The following PRR16 variants were observed in gnomAD, a reference collection of about 807,000 sequenced individuals.
PRR16 encodes protein Largen.
A neutral mutation model predicts 18.2 loss-of-function variants in PRR16; 6 were observed. The ratio of observed to expected loss-of-function variants is 0.33; its 90% CI spans 0.18 to 0.65. PRR16 has a LOEUF of 0.65. Among genes scored for constraint, PRR16 ranks in the 30% least tolerant of loss-of-function variants. The pLI is 0.74. For missense variants in PRR16, 412 were observed against 376.6 expected (o/e 1.09, Z -0.78); for synonymous variants, 151 against 147.8 (o/e 1.02, Z -0.16).
Position 120,633,940 on chromosome 5 carries a change from A to C in PRR16, c.160-52014A>C, listed in dbSNP as rs561953617. On this transcript the variant is annotated intron_variant, in intron 1 of 1. Coordinates refer to ENST00000407149, the MANE Select transcript of PRR16 (RefSeq NM_001300783.2). ...TAAATTATACCCTACAACAAGTAGA[A>C]CTAACAAATATATACAGAACATTCT... Among the ~76,000 whole-genome samples the C allele has an allele frequency of 3.9e-5, 6 of 152,282 alleles. No individual in the cohort carries two copies. The East Asian group carries it at 1.2e-3, about 29-fold the overall frequency.
intron 1 of PRR16, among the ~76,000 whole-genome samples, chr5:120,491,955 G>C (rs1286844198): frequency 6.6e-6 from 1 of 152,080 alleles, no homozygotes; most frequent in Non-Finnish European, 1.5e-5. Context: ...AATTCATGAG[G>C]AGTGTTTGGT....
chr5:120,579,628 A>G (rs1753198982), intron 1 of PRR16, among the ~76,000 whole-genome samples: 1 of 152,038 alleles, frequency 6.6e-6, no homozygotes, highest in Non-Finnish European at 1.5e-5. Context: ...TTTTGGTATC[A>G]GGACCATGGT....
At chr5:120,658,575 T>C (rs1756065473) in intron 1 of PRR16, among the ~76,000 whole-genome samples, 3 of 151,958 alleles carry the variant, frequency 2.0e-5, no homozygotes, top group Non-Finnish European at 4.4e-5. Flanking sequence ...TTTCTGATCC[T>C]GTATTATTTC....
At chr5:120,755,029 A>G in the PRR16 span, among the ~76,000 whole-genome samples, 11 of 80,286 alleles carry the variant, frequency 1.4e-4, no homozygotes, top group African/African-American at 4.5e-4. Context: ...AGTTTTTTTC[A>G]CTTCTTTCTT....
chr5:120,609,755 C>A (rs1754275567), intron 1 of PRR16, among the ~76,000 whole-genome samples: 1 of 152,158 alleles, frequency 6.6e-6, no homozygotes, highest in Admixed American at 6.5e-5. Flanking sequence ...GTCATTTTTA[C>A]TGTCTGGAAA....
the PRR16 span, among the ~76,000 whole-genome samples, chr5:120,701,711 C>T: frequency 8.1e-3 from 1,224 of 152,026 alleles, 12 homozygotes; most frequent in African/African-American, 0.027. Context: ...GACTCAGCAA[C>T]GCTTGGGGTT....
chr5:120,775,895 A>G, the PRR16 span, among the ~76,000 whole-genome samples: 6 of 143,790 alleles, frequency 4.2e-5, no homozygotes. Context: ...TGATACACCC[A>G]CCTTGGTCTC....
chr5:120,689,001 T>C (rs1381501545), downstream of PRR16, among the ~76,000 whole-genome samples: 6 of 152,146 alleles, frequency 3.9e-5, no homozygotes, highest in Non-Finnish European at 8.8e-5. Context: ...ACTACACTTG[T>C]TTTTATTCAA....
At chr5:120,535,501 A>G (rs187150167) in intron 1 of PRR16, among the ~76,000 whole-genome samples, 115 of 152,294 alleles carry the variant, frequency 7.6e-4, no homozygotes, top group African/African-American at 2.6e-3. Context: ...CTTAACCAAG[A>G]GTAAGAAATT....
chr5:120,757,144 T>C, the PRR16 span, among the ~76,000 whole-genome samples: 39,622 of 151,856 alleles, frequency 0.26, 5,526 homozygotes, highest in Non-Finnish European at 0.31. Context: ...TGTGGCCTTA[T>C]TTTTGGGTTC....
chr5:120,555,928 A>G (rs1156958793), intron 1 of PRR16, among the ~76,000 whole-genome samples: 2 of 151,706 alleles, frequency 1.3e-5, no homozygotes, highest in Non-Finnish European at 2.9e-5. Flanking sequence ...TTCATCTTGA[A>G]AAATTGATTA....
chr5:120,488,440 G>T (rs1364263670), intron 1 of PRR16, among the ~76,000 whole-genome samples: 1 of 152,128 alleles, frequency 6.6e-6, no homozygotes, highest in South Asian at 2.1e-4. Flanking sequence ...TTGTGTAGAG[G>T]TGTTTATAGT....
At chr5:120,694,622 T>C in the PRR16 span, among the ~76,000 whole-genome samples, 145,798 of 150,356 alleles carry the variant, frequency 0.97, 70,798 homozygotes, top group East Asian at 1. Flanking sequence ...GGGGCGGAGC[T>C]TGCAGTGAGC....
intron 1 of PRR16, among the ~76,000 whole-genome samples, chr5:120,626,192 A>C (rs1253714527): frequency 6.6e-6 from 1 of 152,148 alleles, no homozygotes. Context: ...TAATATTCAA[A>C]AAATGAAAAC....
intron 1 of PRR16, among the ~76,000 whole-genome samples, chr5:120,511,807 G>A (rs1462843035): frequency 2.0e-5 from 3 of 152,112 alleles, no homozygotes; most frequent in African/African-American, 4.8e-5. Flanking sequence ...GTTTAGTGTC[G>A]AATAACAAGA....
At chr5:120,523,379 CATT>C (rs986011544) in intron 1 of PRR16, among the ~76,000 whole-genome samples, 1 of 152,094 alleles carries the variant, frequency 6.6e-6, no homozygotes, top group Non-Finnish European at 1.5e-5. Context: ...TTGACATCAT[CATT>C]ATTATTATTT....
chr5:120,738,904 T>A, the PRR16 span, among the ~76,000 whole-genome samples: 3 of 152,170 alleles, frequency 2.0e-5, no homozygotes, highest in Non-Finnish European at 4.4e-5. Context: ...GATCAAATAC[T>A]AATTTTGCAG....
At chr5:120,510,590 A>T (rs1750795902) in intron 1 of PRR16, among the ~76,000 whole-genome samples, 1 of 152,166 alleles carries the variant, frequency 6.6e-6, no homozygotes, top group Admixed American at 6.5e-5. Flanking sequence ...CAATTTTTCA[A>T]ACTATCGGTA....
Position 120,571,506 on chromosome 5 carries a change from A to G in PRR16, c.159+106861A>G, listed in dbSNP as rs556005668. On this transcript the variant is annotated intron_variant, in intron 1 of 1. Transcript: ENST00000407149. ...AAGCTGTTGTGAAGACCTGGCTATT[A>G]ATCTTAGTGAGACAGGAATCCACTG... Among the ~76,000 whole-genome samples, 6 of 152,256 alleles carry G rather than the reference A, an allele frequency of 3.9e-5. No individual in the cohort carries two copies. The South Asian group carries it at 1.2e-3, about 32-fold the overall frequency.
Sources: gnomAD v4.1 joint callset for allele counts (sites outside exome capture counted in the v4.1 genomes callset) on GRCh38, gnomAD v4.1.1 for gene constraint, MANE v1.5 for transcripts, NCBI Gene and HGNC (gene_info 2026-07-23, HGNC 2026-07-21) for gene names.